Variants in DUSP26 observed in about 807,000 individuals in gnomAD.
The protein encoded by DUSP26 is dual specificity phosphatase 26, also known as dual specificity protein phosphatase 26.
DUSP26 carries 12 observed loss-of-function variants against 20.0 expected under a neutral mutation model. The ratio of observed to expected loss-of-function variants is 0.60; its 90% confidence interval spans 0.38 to 0.97. The LOEUF is 0.97. Ranked by LOEUF, DUSP26 falls within the 50% of genes least tolerant of loss-of-function variation. The probability of loss-of-function intolerance (pLI) is 0.00; values close to 1 mark genes in which losing one functional copy is unlikely to be tolerated. For missense variants in DUSP26, 230 were observed against 294.0 expected (o/e 0.78, Z 1.59); for synonymous variants, 120 against 118.8 (o/e 1.01, Z -0.06).
In DUSP26 at chr8:33,592,136, G is replaced by T; in HGVS notation, c.513C>A (p.His171Gln). Residue 171 changes from histidine (H) to glutamine (Q), a missense_variant, in exon 4 of 4, where the codon CAC becomes CAA. Physicochemically the swap from His to Gln is conservative, Grantham distance 24. Coordinates refer to ENST00000256261, the MANE Select transcript of DUSP26 (RefSeq NM_024025.3). ...TLVLAYLMLY[H>Q]HLTLVEAIKK... ...TGATGGCCTCCACGAGGGTAAGGTG[G>T]TGGTACAGCATGAGGTAGGCCAGTA... The T allele has an allele frequency of 6.2e-7, 1 of 1,614,112 alleles. No individual in the cohort carries two copies. Among genetic ancestry groups the T allele is most frequent in the Non-Finnish European group, 8.5e-7 (1 of 1,180,016 alleles).
In DUSP26 at chr8:33,597,606, G is replaced by A; in HGVS notation, c.-76-15C>T. The A allele has an allele frequency of 8.8e-7, 1 of 1,140,564 alleles. No individual in the cohort carries two copies. The highest frequency in any genetic ancestry group is 2.3e-5 in the Admixed American group (1 of 44,094). 70.7% of individuals were successfully genotyped at this position (1,140,564 alleles called of 1,614,324 possible). On this transcript the variant is annotated splice_polypyrimidine_tract_variant and intron_variant, in intron 1 of 3. Transcript: ENST00000256261. Reference sequence around the variant, plus strand: ...GGTAGCTGCTGCTGGAAGAGGAAGGGGTGTGAGACACACTTGAGTGAGTCC... The same window carrying A: ...GGTAGCTGCTGCTGGAAGAGGAAGGAGTGTGAGACACACTTGAGTGAGTCC...
At chr8:33,593,474 TG>T in intron 3 of DUSP26, 58 bp downstream of exon 3, 1 of 1,581,044 alleles carries the variant, frequency 6.3e-7, no homozygotes, top group Non-Finnish European at 8.7e-7. Flanking sequence ...CTCAGACCCT[TG>T]GACTTCCCCA....
chr8:33,597,824 G>T, intron 1 of DUSP26: 1 of 274,284 alleles, frequency 3.6e-6, no homozygotes, highest in Non-Finnish European at 6.9e-6. Flanking sequence ...ACGGGGAGAG[G>T]GAGCTGCCCA....
At position 33,592,099 on chromosome 8, in the gene DUSP26, C is replaced by G. The variant is rs1422419970; in HGVS notation, c.550G>C (p.Asp184His). The G allele has an allele frequency of 6.2e-7, 1 of 1,614,078 alleles. No homozygotes were observed. Residue 184 changes from aspartate (D) to histidine (H), a missense_variant, in exon 4 of 4, where the codon GAC becomes CAC. Physicochemically the swap from Asp to His is moderately conservative, Grantham distance 81. Coordinates refer to ENST00000256261, the MANE Select transcript of DUSP26 (RefSeq NM_024025.3). ...CGGTTGGGGATGATGCCTCGGTGGT[C>G]TTTGACTTTCTTGATGGCCTCCACG... ...TLVEAIKKVK[D>H]HRGIIPNRGF... is the part of the protein sequence containing the mutation.
Sources: gnomAD v4.1 joint callset for allele counts on GRCh38, gnomAD v4.1.1 for gene constraint, MANE v1.5 for transcripts, NCBI Gene and HGNC (gene_info 2026-07-23, HGNC 2026-07-21) for gene names.